INCENP: variants seen among roughly 807,000 people sequenced by gnomAD.
INCENP encodes binds and activates aurora-B and -C in vivo and in vitro.
Under a neutral mutation model 107.3 loss-of-function variants are expected in INCENP, and 43 were observed. The observed-to-expected ratio is 0.40, with a 90% confidence interval of 0.31 to 0.52. The LOEUF (loss-of-function observed/expected upper bound fraction) is 0.52, where lower values mean the gene tolerates loss of function less well. Among genes scored for constraint, INCENP ranks in the 20% least tolerant of loss-of-function variants. The probability of loss-of-function intolerance (pLI) is 0.53; values close to 1 mark genes in which losing one functional copy is unlikely to be tolerated. For missense variants in INCENP, 1,089 were observed against 1,250.9 expected, an observed-to-expected ratio of 0.87 and a Z score of 1.95; for synonymous variants, 488 against 494.4, an observed-to-expected ratio of 0.99 and a Z score of 0.17.
At chr11:62,140,653 G>A (rs1944095094) in intron 8 of INCENP, 51 bp from the exon 9 acceptor site, 1 of 1,470,264 alleles carries the variant, frequency 6.8e-7, no homozygotes, top group Non-Finnish European at 9.3e-7. Context: ...GATGGGGTGT[G>A]GCTGGGCTGT....
At chr11:62,135,515 C>T (rs763250733) in intron 4 of INCENP, among the ~76,000 whole-genome samples, 1 of 152,120 alleles carries the variant, frequency 6.6e-6, no homozygotes, top group African/African-American at 2.4e-5. Flanking sequence ...CCGTCTGCCT[C>T]GGCTTCCCAA....
chr11:62,150,955 G>A (rs184226155), intron 18 of INCENP, among the ~76,000 whole-genome samples: 1 of 152,316 alleles, frequency 6.6e-6, no homozygotes, highest in East Asian at 1.9e-4. Flanking sequence ...TTGTTTTTGT[G>A]AGTTTCACCT....
At chr11:62,140,668 G>A (rs936433475) in intron 8 of INCENP, 36 bp from the exon 9 acceptor site, 4 of 1,520,086 alleles carry the variant, frequency 2.6e-6, no homozygotes, top group Non-Finnish European at 3.6e-6. Context: ...GGCTGTGGCG[G>A]GCTGCCCTGT....
intron 15 of INCENP, among the ~76,000 whole-genome samples, chr11:62,148,244 A>G (rs1157823376): frequency 6.6e-6 from 1 of 152,238 alleles, no homozygotes; most frequent in South Asian, 2.1e-4. Flanking sequence ...TACAAGGAAA[A>G]GTGGGGGCCA....
chr11:62,126,447 C>T (rs975147530), intron 1 of INCENP, among the ~76,000 whole-genome samples: 4 of 152,198 alleles, frequency 2.6e-5, no homozygotes, highest in South Asian at 2.1e-4. Flanking sequence ...CTGCCCACTT[C>T]GGCCTTCTAA....
rs1265597662 is a variant in INCENP at position 62,130,472 on chromosome 11, C to T, written c.945C>T (p.Pro315=). 6.2e-7 allele frequency: 1 copy of T among 1,614,158 alleles called. No homozygotes were observed. Among genetic ancestry groups the T allele is most frequent in the Non-Finnish European group, 8.5e-7 (1 of 1,180,054 alleles). Reference sequence around the variant, plus strand: ...CGATCGCCCCGTCTTCCCCGAGTCCCCAAGTCTTAGCCCAGAAGTACTCTC... The same window carrying T: ...CGATCGCCCCGTCTTCCCCGAGTCCTCAAGTCTTAGCCCAGAAGTACTCTC... The part of the protein sequence containing the change: ...HSPIAPSSPS[P]QVLAQKYSLV... Residue 315 remains proline (P), a synonymous_variant, in exon 4 of 19, where the codon CCC becomes CCT. Coordinates refer to ENST00000394818, the MANE Select transcript of INCENP (RefSeq NM_001040694.2).
At chr11:62,147,804 G>A (rs1675117) in intron 15 of INCENP, among the ~76,000 whole-genome samples, 3,335 of 152,284 alleles carry the variant, frequency 0.022, 127 homozygotes, top group African/African-American at 0.075. Flanking sequence ...CTGGGAAGGC[G>A]AGAAGGCGTA....
intron 1 of INCENP, among the ~76,000 whole-genome samples, chr11:62,127,460 C>T (rs1943777315): frequency 6.6e-6 from 1 of 152,236 alleles, no homozygotes; most frequent in African/African-American, 2.4e-5. Context: ...ATATTGCTTA[C>T]TGTTCCCTTC....
Position 62,145,277 on chromosome 11 carries a change from G to A in INCENP, c.1824G>A (p.Glu608=). 1.9e-6 allele frequency: 3 copies of A among 1,614,016 alleles called. No individual in the cohort carries two copies. The South Asian group carries it at 3.3e-5, about 18-fold the overall frequency. The change falls in exon 13 of 19, where the codon GAG becomes GAA. Residue 608 remains glutamate (E), a synonymous_variant. Coordinates refer to ENST00000394818, the MANE Select transcript of INCENP (RefSeq NM_001040694.2). ...AGCAGAAGTTTGCTCAGATCGACGA[G>A]AAGACTGAGAAGGTGGGAGCCTGGG... ...QIEQKFAQID[E]KTEKAKEERL... is the part of the protein sequence containing the mutation.
At chr11:62,139,430 G>A (rs1429294840) in intron 7 of INCENP, among the ~76,000 whole-genome samples, 1 of 152,212 alleles carries the variant, frequency 6.6e-6, no homozygotes, top group African/African-American at 2.4e-5. Flanking sequence ...GAGGGCTGGA[G>A]AGCAGTGGGT....
At chr11:62,139,377 C>T (rs1214747395) in intron 7 of INCENP, among the ~76,000 whole-genome samples, 1 of 152,168 alleles carries the variant, frequency 6.6e-6, no homozygotes, top group Non-Finnish European at 1.5e-5. Context: ...TTGCCTCCCC[C>T]GCCAGCTCCT....
chr11:62,144,898 G>A, intron 11 of INCENP, 84 bp from the exon 12 acceptor site: 1 of 1,242,584 alleles, frequency 8.0e-7, no homozygotes, highest in East Asian at 2.3e-5. Context: ...GCTGCAGGCT[G>A]CTGGGGACTG....
In INCENP at chr11:62,130,368, G is replaced by A. The variant is rs148320735; in HGVS notation, c.841G>A (p.Val281Met). The A allele has an allele frequency of 1.9e-6, 3 of 1,612,464 alleles. No homozygotes were observed. The highest frequency in any genetic ancestry group is 1.7e-5 in the Admixed American group (1 of 60,010). The stretch of plus-strand genomic sequence containing the variant: ...TCCAGATTCTCCATGGCGGGAGCGG[G>A]TGCTGGCTCCCATCCTGCCGGATAA... The part of the protein sequence containing the change: ...AFPDSPWRER[V>M]LAPILPDNFS... The change falls in exon 4 of 19, where the codon GTG becomes ATG. Residue 281 changes from valine to methionine, a missense_variant. By Grantham distance (21) the Val-to-Met change is conservative. Coordinates refer to ENST00000394818, the MANE Select transcript of INCENP (RefSeq NM_001040694.2).
intron 11 of INCENP, 143 bp from the exon 12 acceptor site, chr11:62,144,839 G>A (rs373903724): frequency 2.4e-5 from 20 of 817,852 alleles, no homozygotes; most frequent in Admixed American, 1.4e-4. Flanking sequence ...TTGGGGCCAC[G>A]TTGGGGATAC....
intron 6 of INCENP, 44 bp from the exon 7 acceptor site, chr11:62,138,844 T>G (rs1386588197): frequency 3.1e-6 from 5 of 1,605,702 alleles, no homozygotes; most frequent in Non-Finnish European, 4.3e-6. Flanking sequence ...TCCTGGGCCT[T>G]GGGTTCCAGG....
At chr11:62,140,166 TA>T (rs1944081728) in intron 7 of INCENP, 67 bp from the exon 8 acceptor site, 1 of 1,403,568 alleles carries the variant, frequency 7.1e-7, no homozygotes, top group African/African-American at 1.4e-5. Context: ...CCCTTCCCCC[TA>T]CACCCCCATT....
Position 62,145,189 on chromosome 11 carries a change from G to A in INCENP, c.1736G>A (p.Arg579His), listed in dbSNP as rs761675051. ...CGCAGGAAGCGTGAGGAACGCCTCC[G>A]CAAGGTGCTGCAGGCCCGCGAGCGG... ...EVKLKREERL[R>H]KVLQARERVE... The change falls in exon 13 of 19, where the codon CGC becomes CAC. Residue 579 changes from arginine (R) to histidine (H), a missense_variant. By Grantham distance (29) the Arg-to-His change is conservative (BLOSUM62 0). Transcript: ENST00000394818. 4.5e-5 allele frequency: 72 copies of A among 1,614,014 alleles called. No homozygotes were observed. Among genetic ancestry groups the A allele is most frequent in the East Asian group, 1.1e-4 (5 of 44,878 alleles).
chr11:62,150,354 C>A, intron 18 of INCENP, 147 bp downstream of exon 18: 1 of 795,580 alleles, frequency 1.3e-6, no homozygotes, highest in Non-Finnish European at 2.0e-6. Flanking sequence ...CTTGGGTATG[C>A]ATGTGCCCTG....
At position 62,137,840 on chromosome 11, in the gene INCENP, T is replaced by C. The variant is rs1476059752; in HGVS notation, c.1072T>C (p.Tyr358His). Residue 358 changes from tyrosine (Y) to histidine (H), a missense_variant, in exon 5 of 19, where the codon TAC (tyrosine) becomes CAC (histidine). Tyr to His is a moderately conservative substitution (Grantham distance 83). Coordinates refer to ENST00000394818, the MANE Select transcript of INCENP (RefSeq NM_001040694.2). ...TTTCTTTTCCCCCTCAGGTCACAGT[T>C]ACCTGGAGAGGCTCCTGAATGTTGA... ...AASGRIICHSYLERLLNVEVP... is the reference protein window; with the variant it reads ...AASGRIICHSHLERLLNVEVP... The C allele has an allele frequency of 6.2e-7, 1 of 1,614,124 alleles. No homozygotes were observed. The highest frequency in any genetic ancestry group is 8.5e-7 in the Non-Finnish European group (1 of 1,179,984).
Sources: gnomAD v4.1 joint callset for allele counts (sites outside exome capture counted in the v4.1 genomes callset) on GRCh38, gnomAD v4.1.1 for gene constraint, MANE v1.5 for transcripts, NCBI Gene and HGNC (gene_info 2026-07-23, HGNC 2026-07-21) for gene names.